Variants in CLEC4D observed in about 807,000 individuals in gnomAD.
CLEC4D encodes C-type (calcium dependent, carbohydrate-recognition domain) lectin, superfamily member 8.
CLEC4D carries 21 observed loss-of-function variants against 21.1 expected under a neutral mutation model. The ratio of observed to expected loss-of-function variants is 1.00; its 90% confidence interval spans 0.71 to 1.43. The LOEUF (loss-of-function observed/expected upper bound fraction) is 1.43. Ranked by LOEUF, CLEC4D falls within the 40% of genes most tolerant of loss-of-function variation. CLEC4D has a pLI of 0.00. For synonymous variants in CLEC4D, 85 were observed against 83.1 expected, an observed-to-expected ratio of 1.02 and a Z score of -0.12; for missense variants, 289 against 260.7, an observed-to-expected ratio of 1.11 and a Z score of -0.75.
At chr12:8,527,566 C>T in the CLEC4D span, among the ~76,000 whole-genome samples, 1 of 152,232 alleles carries the variant, frequency 6.6e-6, no homozygotes, top group Non-Finnish European at 1.5e-5. Context: ...AAAGCACAGC[C>T]TGAAGCTACA....
At position 8,515,487 on chromosome 12, in the gene CLEC4D, C is replaced by T. The variant is rs187897556; in HGVS notation, c.121+159C>T. ...TGAATATTCAGAGCTACATTCTTGA[C>T]CTTCTGTCTTTCAATGGTGGTACCT... On this transcript the variant is annotated intron_variant, in intron 2 of 5. Transcript: ENST00000299665. 5.3e-5 allele frequency among the ~76,000 whole-genome samples: 8 copies of T among 152,162 alleles called. No individual in the cohort carries two copies. In the East Asian group the frequency reaches 1.2e-3, roughly 22 times the overall value.
the CLEC4D span, among the ~76,000 whole-genome samples, chr12:8,529,909 G>A: frequency 1.3e-5 from 2 of 152,110 alleles, no homozygotes; most frequent in Non-Finnish European, 2.9e-5. Flanking sequence ...ATAGAAACAT[G>A]GAACTCAATA....
downstream of CLEC4D, among the ~76,000 whole-genome samples, chr12:8,525,939 C>T (rs1940502330): frequency 6.6e-6 from 1 of 152,112 alleles, no homozygotes. Context: ...TTCTCCTTTG[C>T]TTATGAAGCT....
At chr12:8,522,535 T>C (rs1402439329), downstream of CLEC4D, among the ~76,000 whole-genome samples, 2 of 152,096 alleles carry the variant, frequency 1.3e-5, no homozygotes, top group African/African-American at 4.8e-5. Context: ...GTGGTGGTGG[T>C]GATGGATGCG....
At chr12:8,523,678 A>G (rs1471213431), downstream of CLEC4D, among the ~76,000 whole-genome samples, 2 of 152,150 alleles carry the variant, frequency 1.3e-5, no homozygotes, top group East Asian at 1.9e-4. Context: ...TACTATTTGA[A>G]TATGCTTTAT....
chr12:8,517,524 A>C (rs1172610947), intron 2 of CLEC4D, among the ~76,000 whole-genome samples: 3 of 150,686 alleles, frequency 2.0e-5, no homozygotes, highest in African/African-American at 2.4e-5. Context: ...TCAAGGTGAA[A>C]GTATTTTAGA....
the CLEC4D span, among the ~76,000 whole-genome samples, chr12:8,530,488 G>C: frequency 6.1e-5 from 9 of 146,706 alleles, no homozygotes; most frequent in Non-Finnish European, 1.3e-4. Flanking sequence ...CCGAAGAAGT[G>C]AAATTAATTC....
Position 8,521,205 on chromosome 12 carries a change from G to A in CLEC4D, c.582G>A (p.Trp194Ter), listed in dbSNP as rs1940454083. 6.2e-7 allele frequency: 1 copy of A among 1,613,670 alleles called. No homozygotes were observed. The change falls in exon 6 of 6, where the codon TGG (tryptophan) becomes TGA (stop). Residue 194 changes from tryptophan (W) to a stop codon, truncating the protein, a stop_gained. Coordinates refer to ENST00000299665, the MANE Select transcript of CLEC4D (RefSeq NM_080387.5). LOFTEE classifies it low-confidence loss of function (END_TRUNC). ...TTTATAACCAAGATAAATGGGCCTG[G>A]AATGATGTTCCTTGTAACTTTGAAG... Reference protein sequence around the residue: ...VLVYNQDKWAWNDVPCNFEAS... With the variant: ...VLVYNQDKWA
At chr12:8,531,545 T>C in the CLEC4D span, among the ~76,000 whole-genome samples, 1 of 152,210 alleles carries the variant, frequency 6.6e-6, no homozygotes, top group Admixed American at 6.5e-5. Flanking sequence ...CACTTCAATT[T>C]TTTAAACGTT....
At chr12:8,513,827 AT>A (rs1471755449) in intron 1 of CLEC4D, 67 bp downstream of exon 1, 1 of 796,486 alleles carries the variant, frequency 1.3e-6, no homozygotes, top group Non-Finnish European at 2.2e-6. Context: ...AAACATATGA[AT>A]TGATGGTAGT....
rs1314809422 is a variant in CLEC4D, at chr12:8,517,907, C to T, written c.122-257C>T. 2.0e-5 allele frequency among the ~76,000 whole-genome samples: 3 copies of T among 152,090 alleles called. No homozygotes were observed. The East Asian group carries it at 5.8e-4, about 29-fold the overall frequency. ...CTTGCAGTGAGCCGAAATCGCGCCA[C>T]TGCACTCCAGCCTGGGTGACAGAGC... On this transcript the variant is annotated intron_variant, in intron 2 of 5. Transcript: ENST00000299665.
intron 3 of CLEC4D, among the ~76,000 whole-genome samples, chr12:8,518,545 C>T (rs753515784): frequency 1.3e-5 from 2 of 152,316 alleles, no homozygotes; most frequent in South Asian, 4.1e-4. Flanking sequence ...TTGATTCAGA[C>T]ATATGATAAA....
intron 1 of CLEC4D, among the ~76,000 whole-genome samples, chr12:8,514,117 A>G (rs1940344599): frequency 6.6e-6 from 1 of 152,160 alleles, no homozygotes; most frequent in Non-Finnish European, 1.5e-5. Flanking sequence ...GTCCCATTTT[A>G]TGTTTGACTT....
downstream of CLEC4D, among the ~76,000 whole-genome samples, chr12:8,524,340 T>TG (rs1940490956): frequency 1.0e-5 from 1 of 98,502 alleles, no homozygotes; most frequent in Non-Finnish European, 2.3e-5. Context: ...GCTTTTTTTT[T>TG]TTGTTTGGTA....
At chr12:8,529,238 T>C in the CLEC4D span, among the ~76,000 whole-genome samples, 1 of 152,314 alleles carries the variant, frequency 6.6e-6, no homozygotes, top group East Asian at 1.9e-4. Context: ...ATAGATGGAA[T>C]GCATTTGAAT....
chr12:8,518,401 G>A (rs1940413038), intron 3 of CLEC4D, 127 bp downstream of exon 3: 1 of 573,728 alleles, frequency 1.7e-6, no homozygotes, highest in African/African-American at 1.9e-5. Context: ...TGGCATCGGA[G>A]TAAATAAGAA....
chr12:8,516,577 C>A (rs1940384485), intron 2 of CLEC4D, among the ~76,000 whole-genome samples: 1 of 152,142 alleles, frequency 6.6e-6, no homozygotes, highest in Non-Finnish European at 1.5e-5. Flanking sequence ...AACAGGATGG[C>A]AACAATAAAA....
chr12:8,517,448 C>G (rs1940395112), intron 2 of CLEC4D, among the ~76,000 whole-genome samples: 1 of 134,136 alleles, frequency 7.5e-6, no homozygotes, highest in South Asian at 2.8e-4. Context: ...ATCCCTCCCC[C>G]CTCCCCCCAC....
At chr12:8,525,689 T>C (rs189626494), downstream of CLEC4D, among the ~76,000 whole-genome samples, 1 of 152,312 alleles carries the variant, frequency 6.6e-6, no homozygotes, top group Admixed American at 6.5e-5. Context: ...CATTTACGTT[T>C]AAGGTTAGTA....
Sources: gnomAD v4.1 joint callset for allele counts (sites outside exome capture counted in the v4.1 genomes callset) on GRCh38, gnomAD v4.1.1 for gene constraint, MANE v1.5 for transcripts, NCBI Gene and HGNC (gene_info 2026-07-23, HGNC 2026-07-21) for gene names.